Variants in R3HDM4 observed in about 807,000 individuals in gnomAD.
R3HDM4 encodes R3H domain-containing protein 4.
R3HDM4 carries 30 observed loss-of-function variants against 31.3 expected under a neutral mutation model. The ratio of observed to expected loss-of-function variants is 0.96; its 90% CI spans 0.72 to 1.30. The LOEUF is 1.30. R3HDM4 is among the 50% of genes most tolerant of loss of function. The pLI, the probability that R3HDM4 is intolerant of heterozygous loss-of-function variation, is 0.00. For synonymous variants in R3HDM4, 196 were observed against 156.6 expected, an observed-to-expected ratio of 1.25 and a Z score of -1.88; for missense variants, 444 against 366.1, an observed-to-expected ratio of 1.21 and a Z score of -1.74.
At position 899,019 on chromosome 19, in the gene R3HDM4, C is replaced by T. The variant is rs1182197296; in HGVS notation, c.703+421G>A. Among the ~76,000 whole-genome samples, 4 of 152,142 alleles carry T rather than the reference C, an allele frequency of 2.6e-5. No homozygotes were observed. Among genetic ancestry groups the T allele is most frequent in the Admixed American group, 6.5e-5 (1 of 15,272 alleles). Reference sequence around the variant, plus strand: ...ACTGCGCCCCGTTGGAAAAGTGGAGCGCAGGGGCCAGTAGGGGGTCTCGCC... The same window carrying T: ...ACTGCGCCCCGTTGGAAAAGTGGAGTGCAGGGGCCAGTAGGGGGTCTCGCC... On this transcript the variant is annotated intron_variant, in intron 7 of 7. Transcript: ENST00000361574. The surrounding 1 kb of genome is among the most constrained non-coding windows in gnomAD (Gnocchi z 6.8).
Position 913,051 on chromosome 19 carries a change from C to A in R3HDM4, c.71+36G>T, listed in dbSNP as rs1623302. On this transcript the variant is annotated intron_variant, in intron 1 of 7. Transcript: ENST00000361574. This position sits in a 1 kb window ranked among gnomAD's most constrained non-coding sequence, Gnocchi z 5.0. ...CTCAGGGGAGGGAGCCCAGCCCGCC[C>A]CCGGCGCCCGCCGCGCCCCGCCCGC... is the stretch of plus-strand genomic sequence containing the variant. 5.7e-6 allele frequency: 5 copies of A among 881,586 alleles called. No individual in the cohort carries two copies. Among genetic ancestry groups the A allele is most frequent in the African/African-American group, 3.6e-5 (2 of 54,902 alleles). 54.6% of individuals were successfully genotyped at this position (881,586 alleles called of 1,614,324 possible).
intron 1 of R3HDM4, among the ~76,000 whole-genome samples, chr19:909,710 C>T (rs1405744430): frequency 1.3e-5 from 2 of 151,878 alleles, no homozygotes; most frequent in East Asian, 1.9e-4. Context: ...GCAGGAGAAT[C>T]GCTTGAACCT....
At chr19:906,703 G>C (rs59481135) in intron 1 of R3HDM4, among the ~76,000 whole-genome samples, 13,238 of 152,164 alleles carry the variant, frequency 0.087, 922 homozygotes, top group East Asian at 0.2. Flanking sequence ...CGTAAGTGTC[G>C]CTGGACTGAG....
At chr19:911,013 CG>C (rs1418288370) in intron 1 of R3HDM4, among the ~76,000 whole-genome samples, 3 of 151,444 alleles carry the variant, frequency 2.0e-5, no homozygotes, top group Admixed American at 6.6e-5. Context: ...CCCAGCTACT[CG>C]GGAGGCTGAG....
At position 913,092 on chromosome 19, in the gene R3HDM4, C is replaced by A; in HGVS notation, c.66G>T (p.Arg22=). Residue 22 remains arginine (R), a synonymous_variant, in exon 1 of 8, where the codon CGG becomes CGT. Transcript: ENST00000361574. This position sits in a 1 kb window ranked among gnomAD's most constrained non-coding sequence, Gnocchi z 5.0. ...CCCCGCCCGCCCGCGCTCACAGCAG[C>A]CGCCGCCCGCCCGGGGTGCCCTCCG... The part of the protein sequence containing the change: ...EAAEGTPGGR[R]LLPLPSCLPA... The A allele has an allele frequency of 9.4e-7, 1 of 1,068,476 alleles. No individual in the cohort carries two copies. The highest frequency in any genetic ancestry group is 1.1e-6 in the Non-Finnish European group (1 of 885,694). 66.2% of individuals were successfully genotyped at this position (1,068,476 alleles called of 1,614,324 possible).
chr19:901,768 G>T, intron 2 of R3HDM4: 1 of 727,294 alleles, frequency 1.4e-6, no homozygotes, highest in Non-Finnish European at 2.2e-6. Context: ...TGCCCGGGGC[G>T]CCCTCCCACC....
intron 1 of R3HDM4, among the ~76,000 whole-genome samples, chr19:905,036 G>C (rs148765420): frequency 6.6e-6 from 1 of 151,302 alleles, no homozygotes; most frequent in Non-Finnish European, 1.5e-5. Context: ...GTGAAACCCC[G>C]TCTCTACTAA....
chr19:900,950 G>C lies in R3HDM4; in HGVS notation c.354C>G (p.Val118=), dbSNP rs1030514665. 6.3e-6 allele frequency: 10 copies of C among 1,590,750 alleles called. No homozygotes were observed. The highest frequency in any genetic ancestry group is 8.6e-6 in the Non-Finnish European group (10 of 1,168,668). The change falls in exon 4 of 8, where the codon GTC becomes GTG. Residue 118 remains valine (V), a splice_region_variant and synonymous_variant. Transcript: ENST00000361574. ...EACNNATYVE[V]WNDFMNRSGE... ...CGGAGCGGTTCATGAAATCGTTCCAGACCTGGAAGAGAGGCAGGGAGGCAG... is the reference window on the plus strand; with the variant it reads ...CGGAGCGGTTCATGAAATCGTTCCACACCTGGAAGAGAGGCAGGGAGGCAG...
chr19:899,742 G>A lies in R3HDM4; in HGVS notation c.562-56C>T. 1 of 1,369,856 alleles carries A rather than the reference G, an allele frequency of 7.3e-7. No individual in the cohort carries two copies. Among genetic ancestry groups the A allele is most frequent in the Non-Finnish European group, 9.8e-7 (1 of 1,017,550 alleles). The allele number at this position is 1,369,856 out of a possible 1,614,324, so 84.9% of individuals were successfully genotyped here. On this transcript the variant is annotated intron_variant, in intron 5 of 7. Coordinates refer to ENST00000361574, the MANE Select transcript of R3HDM4 (RefSeq NM_138774.4). This position sits in a 1 kb window ranked among gnomAD's most constrained non-coding sequence, Gnocchi z 6.8. ...TGCGGGACCTGTGGGTGGGGGGCCA[G>A]GGAGGTCCAGGGCCCCCAGGAGCCC...
Position 902,046 on chromosome 19 carries a change from G to A in R3HDM4, c.156C>T (p.Asn52=), listed in dbSNP as rs760978432. The change falls in exon 2 of 8, where the codon AAC becomes AAT. Residue 52 remains asparagine (N), a synonymous_variant. Coordinates refer to ENST00000361574, the MANE Select transcript of R3HDM4 (RefSeq NM_138774.4). The part of the protein sequence containing the change: ...SASRRKQHFI[N]QAVRNSDLVP... ...CGAGGTCTGAGTTCCGCACTGCCTG[G>A]TTGATGAAGTGCTGTTTCCGCCTGG... 11 of 1,613,790 alleles carry A rather than the reference G, an allele frequency of 6.8e-6. No individual in the cohort carries two copies. The highest frequency in any genetic ancestry group is 4.5e-5 in the East Asian group (2 of 44,896).
At chr19:897,607 G>C (rs1444930776) in intron 7 of R3HDM4, 67 bp from the exon 8 acceptor site, 3 of 1,223,296 alleles carry the variant, frequency 2.5e-6, no homozygotes, top group African/African-American at 3.0e-5. Flanking sequence ...GAGGTGCCTC[G>C]GACCTGCACC....
chr19:904,281 G>A (rs1041750315), intron 1 of R3HDM4, among the ~76,000 whole-genome samples: 18 of 152,192 alleles, frequency 1.2e-4, no homozygotes, highest in Non-Finnish European at 2.1e-4. Context: ...CCTTCGCACA[G>A]GCGGCTCGGG....
chr19:899,795 G>T lies in R3HDM4; in HGVS notation c.562-109C>A. 1 of 898,258 alleles carries T rather than the reference G, an allele frequency of 1.1e-6. No homozygotes were observed. Among genetic ancestry groups the T allele is most frequent in the Non-Finnish European group, 1.7e-6 (1 of 600,254 alleles). 55.6% of individuals were successfully genotyped at this position (898,258 alleles called of 1,614,324 possible). A position where few individuals can be genotyped will look rare whatever the true frequency, so the allele number is the denominator to read the frequency against. ...AGCGCTGGGCTCAAACATGACCTCT[G>T]ACCCACCACGTGAGGCTGCTTAAGT... On this transcript the variant is annotated intron_variant, in intron 5 of 7. Transcript: ENST00000361574. The surrounding 1 kb of genome is among the most constrained non-coding windows in gnomAD (Gnocchi z 6.8).
chr19:901,298 C>T (rs527356293), intron 3 of R3HDM4, 124 bp downstream of exon 3: 6 of 1,076,586 alleles, frequency 5.6e-6, no homozygotes, highest in South Asian at 1.6e-5. Flanking sequence ...GACTGAGGGG[C>T]CTTCATTAGG....
intron 1 of R3HDM4, among the ~76,000 whole-genome samples, chr19:909,112 G>C (rs966364703): frequency 6.6e-6 from 1 of 152,250 alleles, no homozygotes; most frequent in African/African-American, 2.4e-5. Flanking sequence ...GAGGATGTGT[G>C]TCCACAGAAG....
chr19:901,333 T>C, intron 3 of R3HDM4, 89 bp downstream of exon 3: 2 of 1,419,980 alleles, frequency 1.4e-6, no homozygotes, highest in East Asian at 2.4e-5. Context: ...CGGGTGCTTC[T>C]GGCGGGGGAC....
intron 1 of R3HDM4, among the ~76,000 whole-genome samples, chr19:905,943 C>T (rs1365511921): frequency 6.6e-6 from 1 of 152,192 alleles, no homozygotes; most frequent in African/African-American, 2.4e-5. Flanking sequence ...AAACTGCCTC[C>T]TCGCCAGGCT....
chr19:901,407 G>A lies in R3HDM4; in HGVS notation c.351+15C>T, dbSNP rs1177877944. On this transcript the variant is annotated intron_variant, in intron 3 of 7. Coordinates refer to ENST00000361574, the MANE Select transcript of R3HDM4 (RefSeq NM_138774.4). ...GGTCCCCGTGTGGAGGGAGTGAGGG[G>A]GTTGGGGGCCACACCTCCACATAGG... The A allele has an allele frequency of 2.4e-5, 38 of 1,600,956 alleles. No homozygotes were observed. Among genetic ancestry groups the A allele is most frequent in the Non-Finnish European group, 3.1e-5 (36 of 1,178,204 alleles).
intron 1 of R3HDM4, among the ~76,000 whole-genome samples, chr19:906,974 C>A (rs866067927): frequency 1.3e-5 from 2 of 152,146 alleles, no homozygotes; most frequent in Middle Eastern, 6.8e-3. Flanking sequence ...CACCACCACG[C>A]CTGGTTAATT....
Sources: allele counts gnomAD v4.1 joint callset (sites outside exome capture counted in the v4.1 genomes callset), GRCh38; gene constraint gnomAD v4.1.1; non-coding constraint Gnocchi (gnomAD v3.1); transcripts MANE v1.5; gene names NCBI Gene and HGNC (gene_info 2026-07-23, HGNC 2026-07-21).